The following NPSR1 variants were observed in gnomAD, a reference collection of about 807,000 sequenced individuals.
NPSR1 encodes neuropeptide S receptor.
A neutral mutation model predicts 46.9 loss-of-function variants in NPSR1; 48 were observed. The ratio of observed to expected loss-of-function variants is 1.02; its 90% CI spans 0.81 to 1.30. The LOEUF (loss-of-function observed/expected upper bound fraction) is 1.30. NPSR1 is among the 50% of genes most tolerant of loss of function. NPSR1 has a pLI of 0.00. For synonymous variants in NPSR1, 176 were observed against 168.1 expected, an observed-to-expected ratio of 1.05 and a Z score of -0.36; for missense variants, 450 against 449.5, an observed-to-expected ratio of 1.00 and a Z score of -0.01.
At chr7:34,711,357 C>T (rs958353203) in intron 2 of NPSR1, 2 of 152,824 alleles carry the variant, frequency 1.3e-5, no homozygotes, top group Non-Finnish European at 2.9e-5. Flanking sequence ...CAAATAACTT[C>T]CTGTACCCCT....
intron 8 of NPSR1, among the ~76,000 whole-genome samples, chr7:34,872,302 G>C (rs114502515): frequency 6.6e-6 from 1 of 151,910 alleles, no homozygotes; most frequent in Non-Finnish European, 1.5e-5. Flanking sequence ...AAGCAAGGCC[G>C]TAGGCCTGGC....
At chr7:34,686,974 A>G (rs994804064) in intron 2 of NPSR1, among the ~76,000 whole-genome samples, 1 of 151,200 alleles carries the variant, frequency 6.6e-6, no homozygotes, top group African/African-American at 2.4e-5. Flanking sequence ...AAAAAAAAAA[A>G]AAAAAAAGAA....
chr7:34,766,863 G>A (rs1489108136), intron 2 of NPSR1, among the ~76,000 whole-genome samples: 1 of 152,154 alleles, frequency 6.6e-6, no homozygotes, highest in African/African-American at 2.4e-5. Flanking sequence ...GTGAGCCACC[G>A]TGCCCGGCCT....
chr7:34,852,486 T>C (rs963634080), downstream of NPSR1, among the ~76,000 whole-genome samples: 7 of 152,024 alleles, frequency 4.6e-5, no homozygotes, highest in African/African-American at 1.7e-4. Flanking sequence ...TGGTGGTTCC[T>C]CCCAGACACA....
intron 3 of NPSR1, among the ~76,000 whole-genome samples, chr7:34,789,410 A>G (rs1787615592): frequency 6.6e-6 from 1 of 152,098 alleles, no homozygotes; most frequent in Non-Finnish European, 1.5e-5. Context: ...TAGGAAAAAG[A>G]AGAAAACTCA....
chr7:34,790,074 A>C (rs1787658641), intron 3 of NPSR1, among the ~76,000 whole-genome samples: 1 of 152,130 alleles, frequency 6.6e-6, no homozygotes, highest in African/African-American at 2.4e-5. Flanking sequence ...ATACTATGAG[A>C]AAATTACAGG....
chr7:34,662,597 C>T (rs1050820313), intron 1 of NPSR1, among the ~76,000 whole-genome samples: 4 of 152,134 alleles, frequency 2.6e-5, no homozygotes, highest in Admixed American at 1.3e-4. Flanking sequence ...TAATTAGTCT[C>T]GCTCAGTATG....
At chr7:34,708,494 G>C (rs1050971266) in intron 2 of NPSR1, among the ~76,000 whole-genome samples, 15 of 152,166 alleles carry the variant, frequency 9.9e-5, no homozygotes, top group African/African-American at 3.6e-4. Flanking sequence ...CTTAACAAAA[G>C]CAGGAGAAAT....
chr7:34,762,179 A>C (rs984956671), intron 2 of NPSR1, among the ~76,000 whole-genome samples: 2 of 152,188 alleles, frequency 1.3e-5, no homozygotes, highest in Non-Finnish European at 2.9e-5. Context: ...CTAATTGAAA[A>C]TCTTAGGACC....
intron 6 of NPSR1, among the ~76,000 whole-genome samples, chr7:34,836,718 A>G (rs1469782414): frequency 6.7e-6 from 1 of 149,580 alleles, no homozygotes; most frequent in Non-Finnish European, 1.5e-5. Context: ...AAGGAAAAGA[A>G]AGAAAGGAAA....
chr7:34,779,626 A>G (rs1042152747), intron 3 of NPSR1: 5 of 1,213,888 alleles, frequency 4.1e-6, no homozygotes, highest in South Asian at 3.2e-5. Context: ...TATAACCTTG[A>G]AAGTTTGGTA....
intron 2 of NPSR1, among the ~76,000 whole-genome samples, chr7:34,732,735 A>G (rs1481465054): frequency 6.6e-6 from 1 of 152,230 alleles, no homozygotes; most frequent in East Asian, 1.9e-4. Context: ...TGTATAACAC[A>G]TCACTAAACA....
intron 3 of NPSR1, among the ~76,000 whole-genome samples, chr7:34,792,899 A>AAACATAGG (rs60313471): frequency 6.7e-6 from 1 of 149,440 alleles, no homozygotes; most frequent in Non-Finnish European, 1.5e-5. Context: ...AAACAAACAA[A>AAACATAGG]AACATAGGCT....
At chr7:34,731,663 T>C (rs1438466798) in intron 2 of NPSR1, among the ~76,000 whole-genome samples, 3 of 151,962 alleles carry the variant, frequency 2.0e-5, no homozygotes, top group Non-Finnish European at 4.4e-5. Flanking sequence ...CTGAGAACTG[T>C]GTAGGTAAGT....
chr7:34,746,989 G>A (rs1320755866), intron 2 of NPSR1, among the ~76,000 whole-genome samples: 1 of 152,066 alleles, frequency 6.6e-6, no homozygotes, highest in Non-Finnish European at 1.5e-5. Context: ...GCTGTGCATG[G>A]TGGAACGCAC....
At chr7:34,785,297 C>A (rs925952157) in intron 3 of NPSR1, among the ~76,000 whole-genome samples, 2 of 147,732 alleles carry the variant, frequency 1.4e-5, no homozygotes, top group Non-Finnish European at 3.0e-5. Flanking sequence ...AGCCAAACAT[C>A]GCATGTTATC....
intron 8 of NPSR1, among the ~76,000 whole-genome samples, chr7:34,870,960 G>A (rs1791440786): frequency 6.6e-6 from 1 of 151,352 alleles, no homozygotes; most frequent in Non-Finnish European, 1.5e-5. Flanking sequence ...GAAAGGAAGG[G>A]TAGATGAACA....
chr7:34,831,911 A>G (rs1359898153), intron 5 of NPSR1, among the ~76,000 whole-genome samples: 4 of 152,188 alleles, frequency 2.6e-5, no homozygotes, highest in Non-Finnish European at 5.9e-5. Flanking sequence ...TGTGAGAAAA[A>G]TTCATTTATT....
chr7:34,812,605 C>T (rs148200258), intron 4 of NPSR1, among the ~76,000 whole-genome samples: 67 of 152,192 alleles, frequency 4.4e-4, no homozygotes, highest in African/African-American at 1.6e-3. Flanking sequence ...AGAGAGGGGC[C>T]CTGGGGAGCA....
Sources: allele counts gnomAD v4.1 joint callset (sites outside exome capture counted in the v4.1 genomes callset), GRCh38; gene constraint gnomAD v4.1.1; transcripts MANE v1.5; gene names NCBI Gene and HGNC (gene_info 2026-07-23, HGNC 2026-07-21).